Variants in CATSPERG observed in about 807,000 individuals in gnomAD.
CATSPERG encodes catsper channel auxiliary subunit gamma.
In CATSPERG, 115 loss-of-function variants were observed where a neutral mutation model predicts 145.0. The observed-to-expected ratio is 0.79, with a 90% CI of 0.68 to 0.93. The LOEUF is 0.93. Ranked by LOEUF, CATSPERG falls within the 40% of genes least tolerant of loss-of-function variation. The probability of loss-of-function intolerance (pLI) is 0.00; values close to 1 mark genes in which losing one functional copy is unlikely to be tolerated. For missense variants in CATSPERG, 1,296 were observed against 1,490.1 expected, an observed-to-expected ratio of 0.87 and a Z score of 2.14; for synonymous variants, 588 against 589.0, an observed-to-expected ratio of 1.00 and a Z score of 0.02.
chr19:38,369,700 G>C, intron 26 of CATSPERG: 2 of 509,472 alleles, frequency 3.9e-6, no homozygotes, highest in South Asian at 4.2e-5. Context: ...GCATATGATA[G>C]ATACACAGCC....
intron 7 of CATSPERG, among the ~76,000 whole-genome samples, chr19:38,346,997 G>C (rs1408469289): frequency 6.6e-6 from 1 of 152,120 alleles, no homozygotes; most frequent in Non-Finnish European, 1.5e-5. Context: ...AATCGCTTGA[G>C]AGCAGGAGTT....
Position 38,357,515 on chromosome 19 carries a change from C to CAA in CATSPERG, c.1315+666_1315+667dup, listed in dbSNP as rs3033507. On this transcript the variant is annotated intron_variant, in intron 11 of 28. Transcript: ENST00000409235. Reference sequence around the variant, plus strand: ...TGGGTGACAGAGCAAGACCCGGTCTCAAAAAAAAAAAAAGAGCAGAGCCAG... The same window carrying CAA: ...TGGGTGACAGAGCAAGACCCGGTCTCAAAAAAAAAAAAAAAGAGCAGAGCCAG... Among the ~76,000 whole-genome samples the CAA allele has an allele frequency of 6.0e-5, 8 of 134,118 alleles. No individual in the cohort carries two copies. In the East Asian group the frequency reaches 6.8e-4, roughly 11 times the overall value. 88.0% of individuals were successfully genotyped at this position (134,118 alleles called of 152,430 possible).
At chr19:38,360,179 G>C in intron 14 of CATSPERG, 1 of 985,402 alleles carries the variant, frequency 1.0e-6, no homozygotes, top group Non-Finnish European at 1.2e-6. Flanking sequence ...TCGGCTCTAG[G>C]AACCGTGGCT....
At chr19:38,361,913 G>A (rs1970353619) in intron 17 of CATSPERG, 52 bp downstream of exon 17, 1 of 1,515,516 alleles carries the variant, frequency 6.6e-7, no homozygotes, top group Non-Finnish European at 9.0e-7. Context: ...GGGGCAGCCG[G>A]GAGCTGGCTT....
At chr19:38,343,375 A>G (rs1460568720) in intron 3 of CATSPERG, among the ~76,000 whole-genome samples, 2 of 151,998 alleles carry the variant, frequency 1.3e-5, no homozygotes. Flanking sequence ...GACTCCCTCC[A>G]CAGCCCCTTA....
intron 3 of CATSPERG, 42 bp downstream of exon 3, chr19:38,337,688 G>C (rs1969865760): frequency 6.8e-7 from 1 of 1,475,908 alleles, no homozygotes; most frequent in Admixed American, 2.1e-5. Flanking sequence ...TATGAGCCTT[G>C]GTTTTCCCAC....
chr19:38,336,254 T>C (rs1969833444), intron 1 of CATSPERG: 1 of 446,600 alleles, frequency 2.2e-6, no homozygotes, highest in Non-Finnish European at 4.5e-6. Context: ...GGAGAAGGTG[T>C]GGGGCGAGGA....
chr19:38,362,678 G>C, intron 19 of CATSPERG, 36 bp from the exon 20 acceptor site: 1 of 1,607,542 alleles, frequency 6.2e-7, no homozygotes, highest in South Asian at 1.1e-5. Context: ...GCCTGTCTGT[G>C]AGGGAGGCCT....
chr19:38,344,894 TATATATA>T lies in CATSPERG; in HGVS notation c.669+527_669+533del, dbSNP rs1568372909. ...ACACACACACACACATATATATATA[TATATATA>T]TTTTTTTTTTTTTTTTTTTTTTTGA... On this transcript the variant is annotated intron_variant, in intron 6 of 28. Coordinates refer to ENST00000409235, the MANE Select transcript of CATSPERG (RefSeq NM_021185.5). Among the ~76,000 whole-genome samples the T allele has an allele frequency of 1.6e-4, 18 of 110,870 alleles. 1 individual carries two copies. Among genetic ancestry groups the T allele is most frequent in the Admixed American group, 4.3e-4 (4 of 9,308 alleles). 72.7% of individuals were successfully genotyped at this position (110,870 alleles called of 152,430 possible).
At position 38,354,799 on chromosome 19, in the gene CATSPERG, C is replaced by G. The variant is rs146516371; in HGVS notation, c.1087C>G (p.Leu363Val). The G allele has an allele frequency of 6.2e-7, 1 of 1,614,106 alleles. No homozygotes were observed. Among genetic ancestry groups the G allele is most frequent in the East Asian group, 2.2e-5 (1 of 44,882 alleles). ...CAATGGCTCTGAGTACATAATGGCC[C>G]TCACCACGGGCAAGCATGAGGGTTA... is the stretch of plus-strand genomic sequence containing the variant. ...HSNGSEYIMA[L>V]TTGKHEGYVH... is the part of the protein sequence containing the mutation. The change falls in exon 9 of 29, where the codon CTC becomes GTC. Residue 363 changes from leucine to valine, a missense_variant. Transcript: ENST00000409235.
chr19:38,345,671 ATT>A (rs36061443), intron 6 of CATSPERG, among the ~76,000 whole-genome samples: 2 of 140,964 alleles, frequency 1.4e-5, no homozygotes, highest in Admixed American at 7.1e-5. Context: ...CACCCAGCTA[ATT>A]TTTTTTTTTT....
chr19:38,365,166 G>C, intron 22 of CATSPERG, 49 bp downstream of exon 22: 3 of 1,505,460 alleles, frequency 2.0e-6, no homozygotes, highest in African/African-American at 2.7e-5. Flanking sequence ...GTTGGGGTCG[G>C]GTCTCAACAG....
Position 38,361,787 on chromosome 19 carries a change from C to T in CATSPERG, c.2020C>T (p.His674Tyr). ...PPRVLERSGF[H>Y]NENSLAIYQG... is the part of the protein sequence containing the mutation. ...GCGCGTCCTGGAGCGCTCGGGCTTC[C>T]ACAACGAGAACTCGCTCGCCATCTA... The change falls in exon 17 of 29, where the codon CAC becomes TAC. Residue 674 changes from histidine (H) to tyrosine (Y), a missense_variant. By Grantham distance (83) the His-to-Tyr change is moderately conservative (BLOSUM62 2). Transcript: ENST00000409235. The T allele has an allele frequency of 6.2e-7, 1 of 1,613,226 alleles. No individual in the cohort carries two copies. The highest frequency in any genetic ancestry group is 1.1e-5 in the South Asian group (1 of 90,896).
intron 1 of CATSPERG, 120 bp from the exon 2 acceptor site, chr19:38,337,101 G>A: frequency 8.0e-7 from 1 of 1,257,234 alleles, no homozygotes; most frequent in African/African-American, 1.5e-5. Flanking sequence ...GGGGCCAGGA[G>A]CAAGAGCCGG....
chr19:38,341,036 G>A (rs953895766), intron 3 of CATSPERG, among the ~76,000 whole-genome samples: 3 of 152,118 alleles, frequency 2.0e-5, no homozygotes, highest in Non-Finnish European at 4.4e-5. Context: ...CAGCACGATG[G>A]CCCAGAGGTA....
chr19:38,356,643 T>G (rs957875529), intron 10 of CATSPERG, 99 bp from the exon 11 acceptor site: 380 of 1,585,264 alleles, frequency 2.4e-4, no homozygotes, highest in Non-Finnish European at 3.0e-4. Context: ...GAATGGGCAG[T>G]GTCTTAGGGA....
At chr19:38,342,354 C>T (rs1294151251) in intron 3 of CATSPERG, among the ~76,000 whole-genome samples, 1 of 151,996 alleles carries the variant, frequency 6.6e-6, no homozygotes, top group Non-Finnish European at 1.5e-5. Flanking sequence ...AATCCCAGCA[C>T]TTTGGGAGGC....
In CATSPERG at chr19:38,364,989, A is replaced by AGG; in HGVS notation, c.2556+21_2556+22dup. On this transcript the variant is annotated intron_variant, in intron 21 of 28. Coordinates refer to ENST00000409235, the MANE Select transcript of CATSPERG (RefSeq NM_021185.5). ...CGGTCAATGTGAGGTCCAAGCCTGG[A>AGG]GGGGAGGGTGCAGGATGGTGGGAAA... The AGG allele has an allele frequency of 2.5e-6, 4 of 1,613,628 alleles. No homozygotes were observed. The highest frequency in any genetic ancestry group is 3.4e-6 in the Non-Finnish European group (4 of 1,179,536).
chr19:38,343,759 G>A, intron 4 of CATSPERG, 35 bp downstream of exon 4: 1 of 1,540,036 alleles, frequency 6.5e-7, no homozygotes. Flanking sequence ...ATCGCAACCT[G>A]GCAGGGGTGT....
Sources: gnomAD v4.1 joint callset for allele counts (sites outside exome capture counted in the v4.1 genomes callset) on GRCh38, gnomAD v4.1.1 for gene constraint, MANE v1.5 for transcripts, NCBI Gene and HGNC (gene_info 2026-07-23, HGNC 2026-07-21) for gene names.